Variants in SLC1A3 observed in about 807,000 individuals in gnomAD.
SLC1A3 encodes the protein solute carrier family 1 member 3, also known as excitatory amino acid transporter 1.
Under a neutral mutation model 48.1 loss-of-function variants are expected in SLC1A3, and 21 were observed. The observed-to-expected ratio is 0.44, with a 90% CI of 0.31 to 0.63. The LOEUF (loss-of-function observed/expected upper bound fraction) is 0.63. Among genes scored for constraint, SLC1A3 ranks in the 20% least tolerant of loss-of-function variants. The probability of loss-of-function intolerance (pLI) is 0.08; values close to 1 mark genes in which losing one functional copy is unlikely to be tolerated. For missense variants in SLC1A3, 546 were observed against 689.0 expected (o/e 0.79, Z 2.32); for synonymous variants, 239 against 251.4 (o/e 0.95, Z 0.47).
At chr5:36,660,706 A>G (rs1041524356) in intron 3 of SLC1A3, among the ~76,000 whole-genome samples, 7 of 152,224 alleles carry the variant, frequency 4.6e-5, no homozygotes, top group African/African-American at 1.7e-4. Flanking sequence ...AGCTGAGAGA[A>G]CAATCTCCCA....
At chr5:36,627,629 G>A (rs1739963117) in intron 2 of SLC1A3, among the ~76,000 whole-genome samples, 1 of 152,166 alleles carries the variant, frequency 6.6e-6, no homozygotes, top group South Asian at 2.1e-4. Context: ...TACAGTGAAC[G>A]AATCTGATAT....
chr5:36,637,796 A>C (rs906744960), intron 3 of SLC1A3, among the ~76,000 whole-genome samples: 1 of 152,096 alleles, frequency 6.6e-6, no homozygotes, highest in South Asian at 2.1e-4. Context: ...TAATTTCTAG[A>C]GCTCACATTC....
intron 2 of SLC1A3, among the ~76,000 whole-genome samples, chr5:36,621,752 A>G (rs998596816): frequency 1.3e-5 from 2 of 152,206 alleles, no homozygotes; most frequent in Non-Finnish European, 2.9e-5. Flanking sequence ...CATCTTCTCT[A>G]TGAAGATAGA....
At chr5:36,614,070 G>A (rs981478545) in intron 2 of SLC1A3, among the ~76,000 whole-genome samples, 7 of 152,076 alleles carry the variant, frequency 4.6e-5, no homozygotes, top group Non-Finnish European at 1.0e-4. Flanking sequence ...GACAGCCTAG[G>A]TTTATGTCCA....
At chr5:36,618,598 T>G (rs1238025545) in intron 2 of SLC1A3, among the ~76,000 whole-genome samples, 2 of 152,104 alleles carry the variant, frequency 1.3e-5, no homozygotes. Flanking sequence ...TAGAGCAAAC[T>G]TTACTCTTCA....
chr5:36,660,637 T>A (rs1741471732), intron 3 of SLC1A3, among the ~76,000 whole-genome samples: 1 of 152,204 alleles, frequency 6.6e-6, no homozygotes, highest in African/African-American at 2.4e-5. Flanking sequence ...AATTCTAGAG[T>A]TTACTCCGAC....
intron 8 of SLC1A3, among the ~76,000 whole-genome samples, chr5:36,683,017 A>G (rs1391319199): frequency 6.6e-6 from 1 of 152,242 alleles, no homozygotes; most frequent in African/African-American, 2.4e-5. Flanking sequence ...CATAAAAAGT[A>G]TTTCTAATAC....
chr5:36,663,010 G>A (rs1561273010), intron 3 of SLC1A3, among the ~76,000 whole-genome samples: 1 of 152,168 alleles, frequency 6.6e-6, no homozygotes. Flanking sequence ...CATTGCTTCC[G>A]AATTAAAGTT....
chr5:36,623,862 C>CAAAAA (rs5867332), intron 2 of SLC1A3, among the ~76,000 whole-genome samples: 2 of 113,932 alleles, frequency 1.8e-5, no homozygotes, highest in African/African-American at 3.4e-5. Context: ...GACACCGTCT[C>CAAAAA]AAAAAAAAAA....
intron 3 of SLC1A3, among the ~76,000 whole-genome samples, chr5:36,658,013 T>G (rs577999953): frequency 1.3e-5 from 2 of 152,314 alleles, no homozygotes; most frequent in Admixed American, 6.5e-5. Flanking sequence ...ACTCCTGTTT[T>G]GGGCAGGCAA....
At chr5:36,658,935 C>T (rs1374318679) in intron 3 of SLC1A3, among the ~76,000 whole-genome samples, 2 of 152,074 alleles carry the variant, frequency 1.3e-5, no homozygotes, top group Non-Finnish European at 2.9e-5. Context: ...GTGCAGGTCC[C>T]AGGGCTGTGA....
intron 3 of SLC1A3, among the ~76,000 whole-genome samples, chr5:36,657,618 C>T (rs1741333335): frequency 1.3e-5 from 2 of 152,178 alleles, no homozygotes; most frequent in Non-Finnish European, 2.9e-5. Context: ...CTGCATATGC[C>T]TGTGATCATG....
In SLC1A3 at chr5:36,676,972, T is replaced by G. The variant is rs139342707; in HGVS notation, c.648T>G (p.Asn216Lys). Residue 216 changes from asparagine to lysine, a missense_variant, in exon 6 of 10, where the codon AAT becomes AAG. By Grantham distance (94) the Asn-to-Lys change is moderately conservative. Around this residue, in one of 3 missense-constraint regions of SLC1A3, gnomAD observed 348 missense variants for 392.0 expected, o/e 0.89. Transcript: ENST00000265113. ...NETLVGAVIN[N>K]VSEAMETLTR... ...CGCTTGTGGGTGCTGTGATAAACAA[T>G]GTGTCTGAGGCCATGGAGACTCTTA... The G allele has an allele frequency of 6.2e-7, 1 of 1,613,862 alleles. No individual in the cohort carries two copies. Among genetic ancestry groups the G allele is most frequent in the African/African-American group, 1.3e-5 (1 of 74,888 alleles).
intron 2 of SLC1A3, 72 bp downstream of exon 2, chr5:36,608,676 T>A (rs1739068330): frequency 6.3e-7 from 1 of 1,594,240 alleles, no homozygotes; most frequent in Non-Finnish European, 8.5e-7. Flanking sequence ...CCGGGGAATA[T>A]TATCAGATGA....
intron 5 of SLC1A3, among the ~76,000 whole-genome samples, chr5:36,675,476 A>G (rs1742167822): frequency 6.6e-6 from 1 of 152,132 alleles, no homozygotes; most frequent in African/African-American, 2.4e-5. Context: ...TTTGATTTGG[A>G]TTTGCATTCA....
intron 2 of SLC1A3, among the ~76,000 whole-genome samples, chr5:36,612,071 A>G (rs559460504): frequency 4.1e-5 from 6 of 147,980 alleles, no homozygotes; most frequent in Non-Finnish European, 4.4e-5. Flanking sequence ...GCGCACGCGC[A>G]CACACACACA....
At chr5:36,624,437 G>A (rs1301317210) in intron 2 of SLC1A3, among the ~76,000 whole-genome samples, 1 of 152,216 alleles carries the variant, frequency 6.6e-6, no homozygotes, top group Non-Finnish European at 1.5e-5. Context: ...AGGTGAGCAC[G>A]TAACCCCTCT....
intron 2 of SLC1A3, among the ~76,000 whole-genome samples, chr5:36,622,770 G>A (rs555474625): frequency 9.9e-5 from 15 of 152,118 alleles, no homozygotes; most frequent in Admixed American, 2.6e-4. Context: ...CCAACACTTT[G>A]GGAGGCCGAG....
intron 3 of SLC1A3, among the ~76,000 whole-genome samples, chr5:36,634,001 C>T (rs564218737): frequency 1.2e-4 from 19 of 152,272 alleles, no homozygotes; most frequent in African/African-American, 4.3e-4. Context: ...AATGGCTGGG[C>T]GTCGTGGCTC....
Sources: gnomAD v4.1 joint callset for allele counts (sites outside exome capture counted in the v4.1 genomes callset) on GRCh38, gnomAD v4.1.1 for gene constraint, gnomAD v4.1.1 regional missense constraint, MANE v1.5 for transcripts, NCBI Gene and HGNC (gene_info 2026-07-23, HGNC 2026-07-21) for gene names.